ATXN2: variants seen among roughly 807,000 people sequenced by gnomAD.
ATXN2 encodes the protein ataxin-2.
Under a neutral mutation model 138.6 loss-of-function variants are expected in ATXN2, and 37 were observed. The ratio of observed to expected loss-of-function variants is 0.27; its 90% confidence interval spans 0.21 to 0.35. The LOEUF is 0.35. Among genes scored for constraint, ATXN2 ranks in the 10% least tolerant of loss-of-function variants. The pLI, the probability that ATXN2 is intolerant of heterozygous loss-of-function variation, is 1.00. For missense variants in ATXN2, 1,216 were observed against 1,480.3 expected (o/e 0.82, Z 2.93); for synonymous variants, 549 against 543.7 (o/e 1.01, Z -0.13).
At chr12:111,502,146 G>A (rs1878816319) in intron 14 of ATXN2, among the ~76,000 whole-genome samples, 1 of 152,134 alleles carries the variant, frequency 6.6e-6, no homozygotes, top group Non-Finnish European at 1.5e-5. Context: ...ACCTGTCTCA[G>A]CCTCCCAAAG....
intron 20 of ATXN2, among the ~76,000 whole-genome samples, chr12:111,466,427 G>A (rs1876031323): frequency 1.3e-5 from 2 of 151,942 alleles, no homozygotes; most frequent in East Asian, 1.9e-4. Context: ...CGTGAACGCA[G>A]GAGGCGGAGC....
At position 111,552,203 on chromosome 12, in the gene ATXN2, T is replaced by C. The variant is rs1400230381; in HGVS notation, c.571+77A>G. The C allele has an allele frequency of 5.5e-6, 8 of 1,443,964 alleles. No individual in the cohort carries two copies. Among genetic ancestry groups the C allele is most frequent in the Admixed American group, 2.4e-5 (1 of 41,052 alleles). 89.4% of individuals were successfully genotyped at this position (1,443,964 alleles called of 1,614,324 possible). A position where few individuals can be genotyped will look rare whatever the true frequency, so the allele number is the denominator to read the frequency against. ...GCCCAGATATTTCTTTAAAAAAAGT[T>C]TGTAAGATCACTGTGAAAATCTTTG... On this transcript the variant is annotated intron_variant, in intron 5 of 24. Transcript: ENST00000673436. This position sits in a 1 kb window ranked among gnomAD's most constrained non-coding sequence, Gnocchi z 4.1.
At chr12:111,589,263 C>T (rs142170016) in intron 1 of ATXN2, among the ~76,000 whole-genome samples, 10,694 of 151,448 alleles carry the variant, frequency 0.071, 572 homozygotes, top group Middle Eastern at 0.13. Context: ...TGCAGTAAGC[C>T]GAGATCACAT....
chr12:111,548,317 T>C (rs1881942449), intron 5 of ATXN2, among the ~76,000 whole-genome samples: 1 of 152,230 alleles, frequency 6.6e-6, no homozygotes. Context: ...GCTAGATTTG[T>C]GTCCTCACTT....
intron 1 of ATXN2, among the ~76,000 whole-genome samples, chr12:111,587,795 G>A (rs916025636): frequency 6.6e-6 from 1 of 152,052 alleles, no homozygotes; most frequent in Non-Finnish European, 1.5e-5. Context: ...TTATATTGCC[G>A]ACAAGCCTCA....
chr12:111,586,386 TG>T (rs1884337236), intron 1 of ATXN2, among the ~76,000 whole-genome samples: 2 of 136,362 alleles, frequency 1.5e-5, no homozygotes, highest in Non-Finnish European at 3.0e-5. Flanking sequence ...GCCCCAAGTC[TG>T]GTTTTTTTTT....
intron 20 of ATXN2, 192 bp downstream of exon 20, chr12:111,469,916 G>T: frequency 1.8e-6 from 1 of 561,470 alleles, no homozygotes; most frequent in Non-Finnish European, 3.0e-6. Context: ...CTGAAGACCA[G>T]GTACAGAAGT....
At chr12:111,576,654 T>A (rs1289662071) in intron 1 of ATXN2, among the ~76,000 whole-genome samples, 1 of 151,764 alleles carries the variant, frequency 6.6e-6, no homozygotes, top group East Asian at 2.0e-4. Context: ...GGCCAATTTG[T>A]GTATTTGTAA....
At chr12:111,492,472 A>AG (rs1264914021) in intron 14 of ATXN2, among the ~76,000 whole-genome samples, 1 of 152,230 alleles carries the variant, frequency 6.6e-6, no homozygotes, top group Non-Finnish European at 1.5e-5. Context: ...TCACGAGGTT[A>AG]GGAGTTCGAG....
intron 5 of ATXN2, among the ~76,000 whole-genome samples, chr12:111,528,604 C>T (rs1256197356): frequency 1.3e-5 from 2 of 152,154 alleles, no homozygotes; most frequent in African/African-American, 4.8e-5. Context: ...GGTTATGTAG[C>T]AGTCTGTCGC....
chr12:111,599,131 G>A lies in ATXN2; in HGVS notation c.-97C>T. ...CGGAACGCGGCGGGGACGCGCGGGC[G>A]CCGAGCGGGGAGGCGCGGGTTGGCG... On this transcript the variant is annotated 5_prime_UTR_variant, in exon 1 of 25. Coordinates refer to ENST00000673436, the MANE Select transcript of ATXN2 (RefSeq NM_001372574.1). The A allele has an allele frequency of 8.2e-7, 1 of 1,225,062 alleles. No individual in the cohort carries two copies. The highest frequency in any genetic ancestry group is 1.0e-6 in the Non-Finnish European group (1 of 984,134). The allele number at this position is 1,225,062 out of a possible 1,614,324, so 75.9% of individuals were successfully genotyped here.
At chr12:111,475,163 G>A (rs959169702) in intron 18 of ATXN2, among the ~76,000 whole-genome samples, 4 of 151,396 alleles carry the variant, frequency 2.6e-5, no homozygotes, top group African/African-American at 4.9e-5. Flanking sequence ...GCAGTGAGCC[G>A]AGATCGCATC....
chr12:111,531,584 ATAC>A (rs34967963), intron 5 of ATXN2, among the ~76,000 whole-genome samples: 56,931 of 151,892 alleles, frequency 0.37, 14,818 homozygotes, highest in East Asian at 0.9. Flanking sequence ...CTACGAGCAT[ATAC>A]TACTACACCA....
At chr12:111,544,608 G>C (rs554683012) in intron 5 of ATXN2, among the ~76,000 whole-genome samples, 2 of 152,296 alleles carry the variant, frequency 1.3e-5, no homozygotes, top group South Asian at 4.1e-4. Context: ...TGTGTGTCAT[G>C]TGGCAAGAGC....
At chr12:111,595,588 G>GC (rs1884895095) in intron 1 of ATXN2, among the ~76,000 whole-genome samples, 1 of 150,802 alleles carries the variant, frequency 6.6e-6, no homozygotes, top group South Asian at 2.1e-4. Flanking sequence ...GCTGCAGTGA[G>GC]CTGAGATCGT....
intron 14 of ATXN2, among the ~76,000 whole-genome samples, chr12:111,507,311 C>A (rs1264697518): frequency 1.3e-5 from 2 of 151,902 alleles, no homozygotes. Flanking sequence ...CTCTGCCCGG[C>A]CGCGACCCCG....
intron 8 of ATXN2, among the ~76,000 whole-genome samples, chr12:111,519,228 C>G (rs1880024353): frequency 6.6e-6 from 1 of 152,176 alleles, no homozygotes; most frequent in South Asian, 2.1e-4. Context: ...TTTATTCACC[C>G]CATCTCCTTC....
At position 111,552,254 on chromosome 12, in the gene ATXN2, G is replaced by A; in HGVS notation, c.571+26C>T. 6 of 1,562,482 alleles carry A rather than the reference G, an allele frequency of 3.8e-6. No homozygotes were observed. The highest frequency in any genetic ancestry group is 2.3e-5 in the East Asian group (1 of 42,996). ...CTTGAATAAATCTAATAAACCATGA[G>A]GCATATTTAGGAAATCAAAACCCAC... On this transcript the variant is annotated intron_variant, in intron 5 of 24. Transcript: ENST00000673436. This position sits in a 1 kb window ranked among gnomAD's most constrained non-coding sequence, Gnocchi z 4.1.
rs370910854 is a variant in ATXN2, at chr12:111,548,063, C to T, written c.571+4217G>A. ...CAAAAATTACCCGGGTGTGGTGGTA[C>T]GTGCCTGTAATCCCAGTTATTAGGG... On this transcript the variant is annotated intron_variant, in intron 5 of 24. Transcript: ENST00000673436. 1.7e-3 allele frequency among the ~76,000 whole-genome samples: 258 copies of T among 151,794 alleles called. 1 individual carries two copies. Among genetic ancestry groups the T allele is most frequent in the Middle Eastern group, 0.01 (3 of 294 alleles).
Sources: allele counts gnomAD v4.1 joint callset (sites outside exome capture counted in the v4.1 genomes callset), GRCh38; gene constraint gnomAD v4.1.1; non-coding constraint Gnocchi (gnomAD v3.1); transcripts MANE v1.5; gene names NCBI Gene and HGNC (gene_info 2026-07-23, HGNC 2026-07-21).